SLC12A8: variants seen among roughly 807,000 people sequenced by gnomAD.
The protein encoded by SLC12A8 is solute carrier family 12 member 8, also known as cation-chloride cotransporter 9.
A neutral mutation model predicts 75.6 loss-of-function variants in SLC12A8; 69 were observed. The ratio of observed to expected loss-of-function variants is 0.91; its 90% CI spans 0.75 to 1.11. The LOEUF (loss-of-function observed/expected upper bound fraction) is 1.11, where lower values mean the gene tolerates loss of function less well. SLC12A8 is among the 50% of genes most tolerant of loss of function. The pLI, the probability that SLC12A8 is intolerant of heterozygous loss-of-function variation, is 0.00. For missense variants in SLC12A8, 877 were observed against 896.7 expected (o/e 0.98, Z 0.28); for synonymous variants, 365 against 372.8 (o/e 0.98, Z 0.24).
At position 125,107,786 on chromosome 3, in the gene SLC12A8, TG is replaced by T; in HGVS notation, c.1399del (p.Gln467SerfsTer2). ...EFTKDMDQLL[Q>X]LTRKLESSQP... ...GCTACTCTCAAGCTTCCTGGTTAGCTGGAGGAGCTGATCCATGTCCTTGGTG... is the reference window on the plus strand; with the variant it reads ...GCTACTCTCAAGCTTCCTGGTTAGCTGAGGAGCTGATCCATGTCCTTGGTG... On this transcript the variant is annotated frameshift_variant, in exon 10 of 14. Transcript: ENST00000469902. LOFTEE classifies it high-confidence loss of function. 6.2e-7 allele frequency: 1 copy of T among 1,614,174 alleles called. No homozygotes were observed. Among genetic ancestry groups the T allele is most frequent in the Non-Finnish European group, 8.5e-7 (1 of 1,180,026 alleles).
Position 125,083,176 on chromosome 3 carries a change from T to C in SLC12A8, c.*714A>G, listed in dbSNP as rs1295792706. 2 of 152,280 alleles carry C rather than the reference T, an allele frequency of 1.3e-5. No individual in the cohort carries two copies. Among genetic ancestry groups the C allele is most frequent in the African/African-American group, 4.8e-5 (2 of 41,550 alleles). The allele number at this position is 152,280 out of a possible 1,614,324, so 9.4% of individuals were successfully genotyped here. Reference sequence around the variant, plus strand: ...TCTTTTGGGTGTGGAAACATGTGAGTGTATTATTTATTTTTGAATAAATAA... The same window carrying C: ...TCTTTTGGGTGTGGAAACATGTGAGCGTATTATTTATTTTTGAATAAATAA... On this transcript the variant is annotated 3_prime_UTR_variant, in exon 14 of 14. Coordinates refer to ENST00000469902, the MANE Select transcript of SLC12A8 (RefSeq NM_024628.6).
intron 2 of SLC12A8, among the ~76,000 whole-genome samples, chr3:125,203,188 A>G (rs1023892592): frequency 6.6e-6 from 1 of 151,812 alleles, no homozygotes; most frequent in East Asian, 1.9e-4. Flanking sequence ...TACAATCCCT[A>G]TTGAAATACC....
intron 5 of SLC12A8, among the ~76,000 whole-genome samples, chr3:125,163,555 C>A (rs1486026932): frequency 1.3e-5 from 2 of 149,802 alleles, no homozygotes; most frequent in Non-Finnish European, 3.0e-5. Flanking sequence ...GCTGAGATTG[C>A]GCCACTGCAC....
intron 2 of SLC12A8, among the ~76,000 whole-genome samples, chr3:125,210,028 C>A (rs1311545139): frequency 6.6e-6 from 1 of 152,150 alleles, no homozygotes; most frequent in Non-Finnish European, 1.5e-5. Context: ...GGCATTGGGC[C>A]ATGTCCAATC....
intron 2 of SLC12A8, among the ~76,000 whole-genome samples, chr3:125,193,184 C>A (rs57544447): frequency 3.5e-4 from 53 of 152,058 alleles, no homozygotes; most frequent in African/African-American, 1.2e-3. Flanking sequence ...GCCTCGTTAA[C>A]ATGGCGAAAC....
chr3:125,092,310 A>C (rs1160413987), intron 10 of SLC12A8, 112 bp from the exon 11 acceptor site: 2 of 659,298 alleles, frequency 3.0e-6, no homozygotes, highest in Non-Finnish European at 5.4e-6. Flanking sequence ...AGCCTAAAAG[A>C]CATCTCCCAG....
intron 4 of SLC12A8, among the ~76,000 whole-genome samples, chr3:125,186,501 G>A (rs184320814): frequency 2.4e-3 from 362 of 152,258 alleles, no homozygotes; most frequent in Non-Finnish European, 4.1e-3. Flanking sequence ...TCTTTAAACT[G>A]TTTTTTCAAC....
chr3:125,119,888 C>A (rs1235419008), intron 7 of SLC12A8: 2 of 456,746 alleles, frequency 4.4e-6, no homozygotes, highest in Non-Finnish European at 8.8e-6. Flanking sequence ...AGAGAAGCTT[C>A]TTCCTGTGGT....
chr3:125,130,875 A>T (rs1190348658), intron 6 of SLC12A8, among the ~76,000 whole-genome samples: 2 of 152,006 alleles, frequency 1.3e-5, no homozygotes, highest in Non-Finnish European at 2.9e-5. Flanking sequence ...GCCAAGACAA[A>T]CCCCTGGTGC....
chr3:125,166,803 T>G (rs1934300592), intron 5 of SLC12A8, among the ~76,000 whole-genome samples: 1 of 152,210 alleles, frequency 6.6e-6, no homozygotes, highest in Admixed American at 6.5e-5. Context: ...TCACTCACCA[T>G]TCAAATTATT....
At chr3:125,161,508 G>T (rs1187856958) in intron 5 of SLC12A8, among the ~76,000 whole-genome samples, 2 of 152,170 alleles carry the variant, frequency 1.3e-5, no homozygotes, top group African/African-American at 4.8e-5. Flanking sequence ...CAACTGACCT[G>T]CAGGAATATC....
chr3:125,126,396 A>C (rs1933208345), intron 6 of SLC12A8, among the ~76,000 whole-genome samples: 2 of 152,196 alleles, frequency 1.3e-5, no homozygotes, highest in Non-Finnish European at 2.9e-5. Context: ...CCAGAAAATG[A>C]ATCAACCCCT....
At chr3:125,102,941 A>G (rs1392019401) in intron 10 of SLC12A8, among the ~76,000 whole-genome samples, 2 of 152,190 alleles carry the variant, frequency 1.3e-5, no homozygotes, top group African/African-American at 2.4e-5. Context: ...CTTCAGGACC[A>G]GGAAGCACCA....
intron 2 of SLC12A8, among the ~76,000 whole-genome samples, chr3:125,207,420 CA>C (rs1935247003): frequency 6.6e-6 from 1 of 152,200 alleles, no homozygotes; most frequent in African/African-American, 2.4e-5. Flanking sequence ...AGAAGAAAGA[CA>C]AAAGCCTCAG....
At chr3:125,200,979 G>A (rs951385858) in intron 2 of SLC12A8, among the ~76,000 whole-genome samples, 1 of 152,136 alleles carries the variant, frequency 6.6e-6, no homozygotes, top group Admixed American at 6.5e-5. Flanking sequence ...GTGATTTACC[G>A]GATATCTGCA....
chr3:125,108,307 A>G (rs1468654570), intron 9 of SLC12A8, among the ~76,000 whole-genome samples, 181 bp from the exon 10 acceptor site: 1 of 152,204 alleles, frequency 6.6e-6, no homozygotes, highest in Non-Finnish European at 1.5e-5. Flanking sequence ...ATGCATGCGA[A>G]ATGCTTCACA....
intron 5 of SLC12A8, among the ~76,000 whole-genome samples, chr3:125,142,910 T>G (rs1489676719): frequency 1.3e-5 from 2 of 152,170 alleles, no homozygotes; most frequent in East Asian, 3.8e-4. Flanking sequence ...TAACATGCCC[T>G]CCTCCCTTCC....
intron 10 of SLC12A8, among the ~76,000 whole-genome samples, chr3:125,102,824 G>A (rs997793508): frequency 1.3e-5 from 2 of 152,176 alleles, no homozygotes; most frequent in African/African-American, 4.8e-5. Context: ...CCTGGAAGAT[G>A]GAAAGGTGAC....
chr3:125,185,546 G>T (rs1934760084), intron 4 of SLC12A8, among the ~76,000 whole-genome samples: 1 of 151,934 alleles, frequency 6.6e-6, no homozygotes, highest in African/African-American at 2.4e-5. Flanking sequence ...TATGTTTAAA[G>T]AATTAACACC....
Sources: gnomAD v4.1 joint callset for allele counts (sites outside exome capture counted in the v4.1 genomes callset) on GRCh38, gnomAD v4.1.1 for gene constraint, MANE v1.5 for transcripts, NCBI Gene and HGNC (gene_info 2026-07-23, HGNC 2026-07-21) for gene names.